Variants in TGS1 observed in about 807,000 individuals in gnomAD.
TGS1 encodes the protein trimethylguanosine synthase 1, also known as trimethylguanosine synthase.
A neutral mutation model predicts 92.2 loss-of-function variants in TGS1; 69 were observed. The observed-to-expected ratio is 0.75, with a 90% CI of 0.62 to 0.91. The LOEUF (loss-of-function observed/expected upper bound fraction) is 0.91, where lower values mean the gene tolerates loss of function less well. Ranked by LOEUF, TGS1 falls within the 40% of genes least tolerant of loss-of-function variation. TGS1 has a pLI of 0.00. For synonymous variants in TGS1, 345 were observed against 338.1 expected (o/e 1.02, Z -0.22); for missense variants, 1,062 against 1,001.2 (o/e 1.06, Z -0.82).
chr8:55,786,534 A>G lies in TGS1; in HGVS notation c.636A>G (p.Gln212=). ...AATATGGAGGAGGACTATTGTGGCA[A>G]AGTTGGCAAGAAAAACATCCGGGTC... The part of the protein sequence containing the change: ...WNEYGGGLLW[Q]SWQEKHPGQA... The change falls in exon 4 of 13, where the codon CAA becomes CAG. Residue 212 remains glutamine, a synonymous_variant. Coordinates refer to ENST00000260129, the MANE Select transcript of TGS1 (RefSeq NM_024831.8). The G allele has an allele frequency of 6.2e-7, 1 of 1,614,208 alleles. No homozygotes were observed. Among genetic ancestry groups the G allele is most frequent in the Non-Finnish European group, 8.5e-7 (1 of 1,180,030 alleles).
At chr8:55,823,611 TG>T (rs1246630088) in intron 12 of TGS1, among the ~76,000 whole-genome samples, 1 of 152,082 alleles carries the variant, frequency 6.6e-6, no homozygotes. Flanking sequence ...AGACTCCTCA[TG>T]AGAGTAGGGA....
Position 55,810,940 on chromosome 8 carries a change from T to C in TGS1, c.2203T>C (p.Tyr735His). 5 of 1,614,196 alleles carry C rather than the reference T, an allele frequency of 3.1e-6. No individual in the cohort carries two copies. Among genetic ancestry groups the C allele is most frequent in the Non-Finnish European group, 4.2e-6 (5 of 1,180,036 alleles). ...IALARNNAEV[Y>H]GIADKIEFIC... ...CCTTGCTCGCAATAATGCAGAAGTT[T>C]ATGGGATAGCAGATAAGATAGAGTT... Residue 735 changes from tyrosine to histidine, a missense_variant, in exon 11 of 13, where the codon TAT becomes CAT. Coordinates refer to ENST00000260129, the MANE Select transcript of TGS1 (RefSeq NM_024831.8).
chr8:55,782,692 C>A, intron 1 of TGS1, 56 bp from the exon 2 acceptor site: 1 of 1,345,618 alleles, frequency 7.4e-7, no homozygotes, highest in Non-Finnish European at 1.0e-6. Flanking sequence ...GATTTCTTTC[C>A]CTCTAAACTG....
intron 10 of TGS1, among the ~76,000 whole-genome samples, chr8:55,806,827 C>T (rs1812385463): frequency 6.6e-6 from 1 of 152,092 alleles, no homozygotes; most frequent in Admixed American, 6.6e-5. Flanking sequence ...ACCAAAAATA[C>T]CAAAACAGGA....
At chr8:55,791,264 G>C (rs961920590) in intron 5 of TGS1, among the ~76,000 whole-genome samples, 3 of 152,188 alleles carry the variant, frequency 2.0e-5, no homozygotes, top group Non-Finnish European at 4.4e-5. Context: ...TGTAGCCAGG[G>C]AAGGCCATGA....
At chr8:55,812,701 G>C (rs1225488713) in intron 11 of TGS1, among the ~76,000 whole-genome samples, 2 of 151,804 alleles carry the variant, frequency 1.3e-5, no homozygotes, top group Non-Finnish European at 2.9e-5. Context: ...AATAAGCAGA[G>C]CCAGACTCTG....
chr8:55,812,419 T>A lies in TGS1; in HGVS notation c.2361-621T>A, dbSNP rs1055087673. ...GGTGGGCACCTGTAATCTCAGCTAC[T>A]CAGGAGGCTGAGGCAGGAGAATAGC... On this transcript the variant is annotated intron_variant, in intron 11 of 12. Coordinates refer to ENST00000260129, the MANE Select transcript of TGS1 (RefSeq NM_024831.8). Among the ~76,000 whole-genome samples, 18 of 145,316 alleles carry A rather than the reference T, an allele frequency of 1.2e-4. 1 individual carries two copies. Among genetic ancestry groups the A allele is most frequent in the East Asian group, 8.1e-4 (4 of 4,960 alleles).
At chr8:55,809,435 G>A (rs1162186052) in intron 10 of TGS1, among the ~76,000 whole-genome samples, 1 of 150,510 alleles carries the variant, frequency 6.6e-6, no homozygotes. Flanking sequence ...GTGTGGCTGA[G>A]GATTAACATT....
intron 5 of TGS1, among the ~76,000 whole-genome samples, chr8:55,791,605 C>T (rs1312828164): frequency 6.6e-6 from 1 of 152,206 alleles, no homozygotes; most frequent in Admixed American, 6.5e-5. Flanking sequence ...AAGATGCTGC[C>T]AGCACCAGTG....
chr8:55,810,532 C>T (rs896352543), intron 10 of TGS1, among the ~76,000 whole-genome samples: 4 of 152,214 alleles, frequency 2.6e-5, no homozygotes, highest in African/African-American at 7.2e-5. Flanking sequence ...TCCATACAGT[C>T]AGTGACCTTT....
intron 1 of TGS1, among the ~76,000 whole-genome samples, chr8:55,775,253 A>G (rs1811360484): frequency 2.3e-5 from 1 of 44,130 alleles, no homozygotes; most frequent in Non-Finnish European, 5.4e-5. Flanking sequence ...AAAAAAAAAG[A>G]AAAGAAAAGA....
chr8:55,808,672 C>T (rs1276074761), intron 10 of TGS1, among the ~76,000 whole-genome samples: 1 of 152,062 alleles, frequency 6.6e-6, no homozygotes, highest in East Asian at 1.9e-4. Flanking sequence ...CCACGCCCAG[C>T]TAATTTTTTT....
At chr8:55,775,122 C>T (rs534274172) in intron 1 of TGS1, among the ~76,000 whole-genome samples, 1 of 151,876 alleles carries the variant, frequency 6.6e-6, no homozygotes, top group Non-Finnish European at 1.5e-5. Flanking sequence ...GCTGTGGTGG[C>T]ACATGCTTGT....
rs768764771 is a variant in TGS1 at position 55,785,743 on chromosome 8, A to C, written c.191A>C (p.Glu64Ala). 5 of 1,610,398 alleles carry C rather than the reference A, an allele frequency of 3.1e-6. No homozygotes were observed. In the East Asian group the frequency reaches 1.1e-4, roughly 36 times the overall value. ...NSGDQATEEE[E>A]GGYSCGTAES... The stretch of plus-strand genomic sequence containing the variant: ...GGAGACCAGGCGACAGAAGAAGAGG[A>C]AGGTGGTTATTCCTGTGGTACTGCA... The change falls in exon 3 of 13, where the codon GAA becomes GCA. Residue 64 changes from glutamate (E) to alanine (A), a missense_variant. By Grantham distance (107) the Glu-to-Ala change is moderately radical (BLOSUM62 -1). Transcript: ENST00000260129.
At chr8:55,781,392 C>T (rs1307381978) in intron 1 of TGS1, among the ~76,000 whole-genome samples, 1 of 151,982 alleles carries the variant, frequency 6.6e-6, no homozygotes, top group Non-Finnish European at 1.5e-5. Context: ...TATTTAAAAA[C>T]ATTAAAATAA....
intron 1 of TGS1, among the ~76,000 whole-genome samples, chr8:55,777,382 G>A (rs147171634): frequency 6.6e-6 from 1 of 151,176 alleles, no homozygotes; most frequent in East Asian, 2.0e-4. Flanking sequence ...CCCTCAGCAA[G>A]AATACTGTTG....
At chr8:55,814,387 AAAG>A (rs1466439948) in intron 12 of TGS1, among the ~76,000 whole-genome samples, 1 of 152,148 alleles carries the variant, frequency 6.6e-6, no homozygotes, top group Non-Finnish European at 1.5e-5. Context: ...CTCTGGGTTA[AAAG>A]AAGAGTAAAT....
At chr8:55,796,208 C>A in intron 7 of TGS1, 56 bp downstream of exon 7, 1 of 1,342,934 alleles carries the variant, frequency 7.4e-7, no homozygotes, top group Non-Finnish European at 1.0e-6. Context: ...GTAAGTTTGA[C>A]CTCTTAAAAT....
At chr8:55,814,413 C>G (rs998786816) in intron 12 of TGS1, among the ~76,000 whole-genome samples, 1 of 152,086 alleles carries the variant, frequency 6.6e-6, no homozygotes, top group Non-Finnish European at 1.5e-5. Context: ...AATTAACAAG[C>G]CTGAGCTCTT....
Sources: allele counts gnomAD v4.1 joint callset (sites outside exome capture counted in the v4.1 genomes callset), GRCh38; gene constraint gnomAD v4.1.1; transcripts MANE v1.5; gene names NCBI Gene and HGNC (gene_info 2026-07-23, HGNC 2026-07-21).